The following PCLO variants were observed in gnomAD, a reference collection of about 807,000 sequenced individuals.
The protein encoded by PCLO is protein piccolo.
PCLO carries 82 observed loss-of-function variants against 427.5 expected under a neutral mutation model. The ratio of observed to expected loss-of-function variants is 0.19; its 90% confidence interval spans 0.16 to 0.23. PCLO has a LOEUF of 0.23. PCLO is among the 10% of genes least tolerant of loss of function. The pLI, the probability that PCLO is intolerant of heterozygous loss-of-function variation, is 1.00. For synonymous variants in PCLO, 2,357 were observed against 2,155.4 expected (o/e 1.09, Z -2.59); for missense variants, 6,239 against 6,115.9 (o/e 1.02, Z -0.67).
At chr7:83,055,049 T>C (rs1562941173) in intron 3 of PCLO, among the ~76,000 whole-genome samples, 1 of 152,078 alleles carries the variant, frequency 6.6e-6, no homozygotes, top group Non-Finnish European at 1.5e-5. Flanking sequence ...ACAGAAAATC[T>C]CCTGAAGGAT....
chr7:83,053,345 C>T (rs1361249963), intron 3 of PCLO, among the ~76,000 whole-genome samples: 1 of 151,922 alleles, frequency 6.6e-6, no homozygotes, highest in African/African-American at 2.4e-5. Flanking sequence ...GTTTGTTTTC[C>T]TATCCTTGCA....
rs1283695672 is a variant in PCLO, at chr7:82,824,204, A to G, written c.14596+32T>C. The stretch of plus-strand genomic sequence containing the variant: ...GATACAGACTGAACAAATAGACACA[A>G]AACTTTTTCTACTTAAAAAAATATT... On this transcript the variant is annotated intron_variant, in intron 19 of 24. Coordinates refer to ENST00000333891, the MANE Select transcript of PCLO (RefSeq NM_033026.6). The G allele has an allele frequency of 2.0e-6, 3 of 1,502,588 alleles. No individual in the cohort carries two copies. In the East Asian group the frequency reaches 7.2e-5, roughly 36 times the overall value. 93.1% of individuals were successfully genotyped at this position (1,502,588 alleles called of 1,614,324 possible). A position where few individuals can be genotyped will look rare whatever the true frequency, so the allele number is the denominator to read the frequency against.
At chr7:82,914,044 T>C (rs903386272) in intron 7 of PCLO, among the ~76,000 whole-genome samples, 5 of 152,052 alleles carry the variant, frequency 3.3e-5, no homozygotes, top group African/African-American at 1.2e-4. Context: ...TTCTAGCATA[T>C]AATGCAAAAT....
chr7:82,770,965 C>T (rs1220303212), intron 22 of PCLO, among the ~76,000 whole-genome samples: 1 of 151,880 alleles, frequency 6.6e-6, no homozygotes, highest in Non-Finnish European at 1.5e-5. Context: ...AAGTTTCTTA[C>T]TTCTACAGAA....
At chr7:83,038,112 T>C (rs1049313645) in intron 3 of PCLO, among the ~76,000 whole-genome samples, 3 of 121,386 alleles carry the variant, frequency 2.5e-5, no homozygotes, top group Non-Finnish European at 5.1e-5. Context: ...TATATATGTA[T>C]ATATATGCAC....
intron 3 of PCLO, among the ~76,000 whole-genome samples, chr7:82,973,472 T>C (rs1203137433): frequency 6.6e-6 from 1 of 152,112 alleles, no homozygotes; most frequent in Non-Finnish European, 1.5e-5. Context: ...ATAGTCAACA[T>C]AAAATACTAA....
intron 3 of PCLO, among the ~76,000 whole-genome samples, chr7:82,998,056 G>A (rs926234495): frequency 3.9e-5 from 6 of 151,950 alleles, no homozygotes; most frequent in Non-Finnish European, 8.8e-5. Flanking sequence ...CAAAATTGGA[G>A]AGACAGGTAG....
At chr7:83,123,950 C>T in intron 3 of PCLO, among the ~76,000 whole-genome samples, 1 of 62,964 alleles carries the variant, frequency 1.6e-5, no homozygotes, top group Admixed American at 2.2e-4. Flanking sequence ...GAGAGAAACT[C>T]TGTCTCAAAA....
chr7:82,992,320 G>C (rs1057478694), intron 3 of PCLO, among the ~76,000 whole-genome samples: 1 of 151,990 alleles, frequency 6.6e-6, no homozygotes, highest in Non-Finnish European at 1.5e-5. Flanking sequence ...GAAGACAAAT[G>C]AGTACCCTCT....
chr7:82,999,801 A>ATATAAAATATAATAT (rs1787765257), intron 3 of PCLO, among the ~76,000 whole-genome samples: 1 of 110,682 alleles, frequency 9.0e-6, no homozygotes, highest in Non-Finnish European at 1.8e-5. Flanking sequence ...TATAATATAT[A>ATATAAAATATAATAT]ATATTATATA....
intron 15 of PCLO, among the ~76,000 whole-genome samples, chr7:82,836,968 G>A (rs1011681584): frequency 3.9e-5 from 6 of 152,060 alleles, no homozygotes; most frequent in African/African-American, 1.4e-4. Context: ...TGCTCCATGT[G>A]TACTTGAAGG....
chr7:82,885,198 T>C (rs1017785801), intron 9 of PCLO, among the ~76,000 whole-genome samples: 1 of 152,172 alleles, frequency 6.6e-6, no homozygotes, highest in African/African-American at 2.4e-5. Context: ...GTGAGAGATT[T>C]ACTCCTGGCC....
At chr7:83,059,230 T>C (rs1288685739) in intron 3 of PCLO, among the ~76,000 whole-genome samples, 1 of 148,812 alleles carries the variant, frequency 6.7e-6, no homozygotes, top group Admixed American at 6.8e-5. Flanking sequence ...GAACATACGG[T>C]GCACCGAGGG....
chr7:82,886,172 A>G (rs1034819256), intron 9 of PCLO, among the ~76,000 whole-genome samples: 1 of 152,202 alleles, frequency 6.6e-6, no homozygotes, highest in Non-Finnish European at 1.5e-5. Context: ...GTTATAATGC[A>G]TGGTTCAATC....
chr7:82,883,566 CA>C (rs1359792205), intron 9 of PCLO, among the ~76,000 whole-genome samples: 2 of 152,044 alleles, frequency 1.3e-5, no homozygotes, highest in East Asian at 3.9e-4. Flanking sequence ...CAATGTACAT[CA>C]ATCACCTTAA....
intron 3 of PCLO, among the ~76,000 whole-genome samples, chr7:83,121,802 T>C (rs1360691828): frequency 6.6e-6 from 1 of 151,980 alleles, no homozygotes; most frequent in Non-Finnish European, 1.5e-5. Context: ...TGATAAACGA[T>C]TCAATTAAGT....
intron 3 of PCLO, among the ~76,000 whole-genome samples, chr7:83,118,638 A>G (rs957692784): frequency 1.1e-4 from 17 of 152,174 alleles, no homozygotes; most frequent in African/African-American, 4.1e-4. Flanking sequence ...GCTGGCATAC[A>G]AGAAGGAAGC....
At chr7:83,154,083 A>G (rs1792205873) in intron 2 of PCLO, among the ~76,000 whole-genome samples, 1 of 152,184 alleles carries the variant, frequency 6.6e-6, no homozygotes, top group Admixed American at 6.5e-5. Flanking sequence ...GATGAGTCAG[A>G]AAGTATTACC....
At chr7:82,809,183 A>G (rs1791516934) in intron 20 of PCLO, among the ~76,000 whole-genome samples, 1 of 151,870 alleles carries the variant, frequency 6.6e-6, no homozygotes, top group African/African-American at 2.4e-5. Context: ...GGTAATTTCA[A>G]GACATCTAAT....
Sources: gnomAD v4.1 joint callset for allele counts (sites outside exome capture counted in the v4.1 genomes callset) on GRCh38, gnomAD v4.1.1 for gene constraint, MANE v1.5 for transcripts, NCBI Gene and HGNC (gene_info 2026-07-23, HGNC 2026-07-21) for gene names.